The following EPHB1 variants were observed in gnomAD, a reference collection of about 807,000 sequenced individuals.
EPHB1 encodes EPH receptor B1, also known as ephrin type-B receptor 1.
Under a neutral mutation model 94.4 loss-of-function variants are expected in EPHB1, and 30 were observed. The ratio of observed to expected loss-of-function variants is 0.32; its 90% confidence interval spans 0.24 to 0.43. The LOEUF is 0.43. EPHB1 is among the 20% of genes least tolerant of loss of function. The pLI, the probability that EPHB1 is intolerant of heterozygous loss-of-function variation, is 1.00. For missense variants in EPHB1, 1,055 were observed against 1,308.3 expected (o/e 0.81, Z 2.99); for synonymous variants, 522 against 489.1 (o/e 1.07, Z -0.89).
In EPHB1 at chr3:135,061,843, C is replaced by T. The variant is rs565187039; in HGVS notation, c.806-44605C>T. Among the ~76,000 whole-genome samples, 138 of 152,146 alleles carry T rather than the reference C, an allele frequency of 9.1e-4. 1 individual carries two copies. The South Asian group carries it at 9.6e-3, about 11-fold the overall frequency. On this transcript the variant is annotated intron_variant, in intron 3 of 15. Coordinates refer to ENST00000398015, the MANE Select transcript of EPHB1 (RefSeq NM_004441.5). Reference sequence around the variant, plus strand: ...ATTCCCACCTATGAGTGAGAACATGCGGTGTTTGGTTTTTTGTCCTTGCGA... The same window carrying T: ...ATTCCCACCTATGAGTGAGAACATGTGGTGTTTGGTTTTTTGTCCTTGCGA...
At position 135,091,790 on chromosome 3, in the gene EPHB1, G is replaced by A. The variant is rs142275598; in HGVS notation, c.806-14658G>A. 1.9e-3 allele frequency among the ~76,000 whole-genome samples: 288 copies of A among 152,294 alleles called. 4 individuals carry two copies. Among genetic ancestry groups the A allele is most frequent in the African/African-American group, 6.7e-3 (279 of 41,562 alleles). ...GCTCTGTGAAAAGTAGAGAGAGCAA[G>A]TGAAAGCAGTGCCTGTCCTCGGTGT... is the stretch of plus-strand genomic sequence containing the variant. On this transcript the variant is annotated intron_variant, in intron 3 of 15. Transcript: ENST00000398015.
intron 12 of EPHB1, among the ~76,000 whole-genome samples, chr3:135,220,650 T>A (rs984318602): frequency 6.6e-6 from 1 of 150,850 alleles, no homozygotes; most frequent in Non-Finnish European, 1.5e-5. Context: ...ACCTGTCAAG[T>A]CTTCCTTTCT....
At chr3:134,876,053 G>T (rs1199389286) in intron 1 of EPHB1, among the ~76,000 whole-genome samples, 4 of 152,180 alleles carry the variant, frequency 2.6e-5, no homozygotes, top group Admixed American at 2.0e-4. Flanking sequence ...GTAATGAGAA[G>T]ATGATGGGGC....
chr3:135,243,596 A>G (rs1471918017), intron 13 of EPHB1, among the ~76,000 whole-genome samples: 1 of 152,150 alleles, frequency 6.6e-6, no homozygotes, highest in South Asian at 2.1e-4. Context: ...GCTTCTTACA[A>G]CCTGGCCTGG....
At chr3:135,224,184 T>C (rs1182644891) in intron 12 of EPHB1, among the ~76,000 whole-genome samples, 2 of 152,348 alleles carry the variant, frequency 1.3e-5, no homozygotes, top group East Asian at 3.9e-4. Context: ...CACTCTAAGA[T>C]ATTTGCACAA....
intron 9 of EPHB1, among the ~76,000 whole-genome samples, chr3:135,179,018 C>CT (rs554650645): frequency 0.022 from 3,272 of 151,344 alleles, 54 homozygotes; most frequent in Non-Finnish European, 0.033. Context: ...GTTCCATTTC[C>CT]TTTTTTTTTG....
chr3:135,024,210 C>T (rs1936066392), intron 3 of EPHB1, among the ~76,000 whole-genome samples: 1 of 152,174 alleles, frequency 6.6e-6, no homozygotes. Context: ...GTGTGAGACT[C>T]AGTTGAAGCA....
At chr3:135,177,926 C>G (rs1406893383) in intron 9 of EPHB1, among the ~76,000 whole-genome samples, 1 of 152,198 alleles carries the variant, frequency 6.6e-6, no homozygotes, top group Non-Finnish European at 1.5e-5. Flanking sequence ...TTCCTACACA[C>G]GCACATCCCT....
At chr3:134,974,790 C>T (rs1013673228) in intron 3 of EPHB1, among the ~76,000 whole-genome samples, 4 of 151,186 alleles carry the variant, frequency 2.6e-5, no homozygotes, top group African/African-American at 4.9e-5. Context: ...TGTGAGCTCC[C>T]CAAAGCAGTC....
chr3:135,098,713 A>T (rs1459076916), intron 3 of EPHB1, among the ~76,000 whole-genome samples: 1 of 152,104 alleles, frequency 6.6e-6, no homozygotes, highest in South Asian at 2.1e-4. Flanking sequence ...CCAGGAAATG[A>T]TAAGAATCCA....
intron 3 of EPHB1, among the ~76,000 whole-genome samples, chr3:135,099,208 G>A (rs897262216): frequency 3.3e-5 from 5 of 152,120 alleles, no homozygotes; most frequent in South Asian, 2.1e-4. Context: ...GTATGCCTAT[G>A]TGTAAGTTTG....
chr3:135,016,680 C>G (rs1261487040), intron 3 of EPHB1, among the ~76,000 whole-genome samples: 1 of 152,248 alleles, frequency 6.6e-6, no homozygotes, highest in African/African-American at 2.4e-5. Context: ...CAGGGTCTGG[C>G]TGGCCAGGTG....
chr3:135,098,829 C>A (rs916965374), intron 3 of EPHB1, among the ~76,000 whole-genome samples: 1 of 151,872 alleles, frequency 6.6e-6, no homozygotes, highest in Non-Finnish European at 1.5e-5. Flanking sequence ...CTGGCCAACA[C>A]GGTAAAACCC....
chr3:135,018,840 G>A (rs1383949440), intron 3 of EPHB1, among the ~76,000 whole-genome samples: 1 of 152,096 alleles, frequency 6.6e-6, no homozygotes, highest in East Asian at 1.9e-4. Context: ...CAGTGGCTAC[G>A]ATGTGACAGG....
chr3:134,968,530 G>C (rs953610698), intron 3 of EPHB1, among the ~76,000 whole-genome samples: 1 of 152,224 alleles, frequency 6.6e-6, no homozygotes, highest in Admixed American at 6.5e-5. Context: ...GATTAAATTG[G>C]TTTTTGTTAG....
At chr3:135,244,523 G>A (rs1346540222) in intron 13 of EPHB1, among the ~76,000 whole-genome samples, 1 of 152,148 alleles carries the variant, frequency 6.6e-6, no homozygotes, top group Non-Finnish European at 1.5e-5. Flanking sequence ...GACACCCTAT[G>A]CCTCCAACCT....
At chr3:134,969,563 A>G (rs1184136958) in intron 3 of EPHB1, among the ~76,000 whole-genome samples, 2 of 152,178 alleles carry the variant, frequency 1.3e-5, no homozygotes, top group East Asian at 3.9e-4. Context: ...TAAGGAAGAC[A>G]TCTCAGCCAG....
At chr3:135,031,663 C>G (rs1242329045) in intron 3 of EPHB1, among the ~76,000 whole-genome samples, 1 of 152,052 alleles carries the variant, frequency 6.6e-6, no homozygotes, top group East Asian at 1.9e-4. Context: ...TTTTCTTTTT[C>G]TTGTACTTTT....
chr3:135,039,900 G>A (rs529930697), intron 3 of EPHB1, among the ~76,000 whole-genome samples: 1 of 152,202 alleles, frequency 6.6e-6, no homozygotes, highest in Non-Finnish European at 1.5e-5. Context: ...CTCCTCAAAT[G>A]CCACCAAAGT....
Sources: gnomAD v4.1 joint callset for allele counts (sites outside exome capture counted in the v4.1 genomes callset) on GRCh38, gnomAD v4.1.1 for gene constraint, MANE v1.5 for transcripts, NCBI Gene and HGNC (gene_info 2026-07-23, HGNC 2026-07-21) for gene names.